Variants in ERBIN observed in about 807,000 individuals in gnomAD.
ERBIN encodes the protein densin-180-like protein.
In ERBIN, 60 loss-of-function variants were observed where a neutral mutation model predicts 158.4. The ratio of observed to expected loss-of-function variants is 0.38; its 90% CI spans 0.31 to 0.47. The LOEUF is 0.47. Among genes scored for constraint, ERBIN ranks in the 20% least tolerant of loss-of-function variants. ERBIN has a pLI of 0.99. For missense variants in ERBIN, 1,610 were observed against 1,648.0 expected, an observed-to-expected ratio of 0.98 and a Z score of 0.40; for synonymous variants, 594 against 557.2, an observed-to-expected ratio of 1.07 and a Z score of -0.93.
chr5:66,063,819 C>G (rs1760716059), intron 21 of ERBIN, among the ~76,000 whole-genome samples: 1 of 152,162 alleles, frequency 6.6e-6, no homozygotes. Context: ...ACTTATCTGT[C>G]AGAAACAATA....
At position 65,967,935 on chromosome 5, in the gene ERBIN, C is replaced by G. The variant is rs530308326; in HGVS notation, c.-57-20700C>G. 2.0e-5 allele frequency among the ~76,000 whole-genome samples: 3 copies of G among 152,284 alleles called. No homozygotes were observed. The South Asian group carries it at 6.2e-4, about 32-fold the overall frequency. On this transcript the variant is annotated intron_variant, in intron 1 of 25. Coordinates refer to ENST00000284037, the MANE Select transcript of ERBIN (RefSeq NM_001253697.2). ...TCTCGGTAAGACTTGAGTTTCCTTA[C>G]AGCAAGTGGCTGGTTTCAGAGGGCA... is the stretch of plus-strand genomic sequence containing the variant.
At chr5:66,041,867 A>G (rs1353581321) in intron 15 of ERBIN, among the ~76,000 whole-genome samples, 4 of 152,030 alleles carry the variant, frequency 2.6e-5, no homozygotes, top group African/African-American at 9.7e-5. Context: ...ATTTGTTTTG[A>G]ACAAAAACAA....
chr5:66,046,927 G>A (rs1758501761), intron 18 of ERBIN, among the ~76,000 whole-genome samples: 1 of 151,542 alleles, frequency 6.6e-6, no homozygotes, highest in Non-Finnish European at 1.5e-5. Context: ...TTCTTCTAGT[G>A]GATAAATAAA....
chr5:65,977,643 G>T (rs1230811145), intron 1 of ERBIN, among the ~76,000 whole-genome samples: 1 of 151,774 alleles, frequency 6.6e-6, no homozygotes, highest in Non-Finnish European at 1.5e-5. Context: ...TGGGATGGTG[G>T]CCGGGCAGAG....
chr5:66,062,967 A>G (rs575946884), intron 21 of ERBIN, among the ~76,000 whole-genome samples: 48 of 152,306 alleles, frequency 3.2e-4, no homozygotes, highest in African/African-American at 1.1e-3. Context: ...GGTGCCTCCC[A>G]GTTAGGCTAC....
At chr5:66,032,488 T>C (rs1756988273) in intron 14 of ERBIN, among the ~76,000 whole-genome samples, 1 of 152,210 alleles carries the variant, frequency 6.6e-6, no homozygotes, top group Admixed American at 6.5e-5. Context: ...AATGGACATT[T>C]GTTCATTCTA....
chr5:65,976,899 G>A (rs1249271745), intron 1 of ERBIN, among the ~76,000 whole-genome samples: 1 of 151,304 alleles, frequency 6.6e-6, no homozygotes, highest in East Asian at 1.9e-4. Context: ...AAAATGAAAA[G>A]TCTCCCATGT....
At chr5:66,063,441 C>T (rs893345736) in intron 21 of ERBIN, among the ~76,000 whole-genome samples, 3 of 152,278 alleles carry the variant, frequency 2.0e-5, no homozygotes, top group Non-Finnish European at 1.5e-5. Flanking sequence ...CATCTGTCAC[C>T]CCTTCCTTTG....
At chr5:66,006,075 G>T (rs552863829) in intron 4 of ERBIN, among the ~76,000 whole-genome samples, 3 of 152,176 alleles carry the variant, frequency 2.0e-5, no homozygotes, top group South Asian at 2.1e-4. Context: ...AAAAGAGCCC[G>T]CATCGCCAAG....
chr5:66,029,764 C>A (rs1192517061), intron 14 of ERBIN, among the ~76,000 whole-genome samples: 1 of 152,088 alleles, frequency 6.6e-6, no homozygotes, highest in Admixed American at 6.5e-5. Context: ...GCCGCCACTC[C>A]CAGCTAATTT....
At chr5:65,938,652 A>G (rs1744383333) in intron 1 of ERBIN, among the ~76,000 whole-genome samples, 1 of 152,166 alleles carries the variant, frequency 6.6e-6, no homozygotes. Flanking sequence ...TCCTGGGTTC[A>G]AGCGATTCTT....
At chr5:65,972,515 T>G (rs1561314161) in intron 1 of ERBIN, among the ~76,000 whole-genome samples, 1 of 151,514 alleles carries the variant, frequency 6.6e-6, no homozygotes, top group Non-Finnish European at 1.5e-5. Context: ...CAGAAAAATT[T>G]AAAGAATATT....
At chr5:66,047,921 A>G (rs1451042164) in intron 18 of ERBIN, among the ~76,000 whole-genome samples, 1 of 151,930 alleles carries the variant, frequency 6.6e-6, no homozygotes. Flanking sequence ...ATTTAAATGA[A>G]TGCAAATATA....
chr5:65,948,796 C>T (rs1746139894), intron 1 of ERBIN, among the ~76,000 whole-genome samples: 1 of 123,132 alleles, frequency 8.1e-6, no homozygotes, highest in East Asian at 2.4e-4. Context: ...CAGAGTCTCC[C>T]TCTGTCACTT....
rs1255127423 is a variant in ERBIN at position 66,079,387 on chromosome 5, T to C, written c.*857T>C. 6.6e-6 allele frequency: 1 copy of C among 152,068 alleles called. No homozygotes were observed. The allele number at this position is 152,068 out of a possible 1,614,324, so 9.4% of individuals were successfully genotyped here. A position where few individuals can be genotyped will look rare whatever the true frequency, so the allele number is the denominator to read the frequency against. On this transcript the variant is annotated 3_prime_UTR_variant, in exon 26 of 26. Transcript: ENST00000284037. ...AAATCCACTGATTTTTTTTTTTTTT[T>C]CAAATGGTGGTACTTGCAATCTGTT...
intron 4 of ERBIN, among the ~76,000 whole-genome samples, chr5:66,008,880 G>T (rs1437944977): frequency 6.6e-6 from 1 of 151,996 alleles, no homozygotes; most frequent in Non-Finnish European, 1.5e-5. Flanking sequence ...TGTTTTCAAG[G>T]TCGGATCATT....
At chr5:66,005,639 T>A (rs537457665) in intron 4 of ERBIN, among the ~76,000 whole-genome samples, 15 of 152,282 alleles carry the variant, frequency 9.9e-5, no homozygotes, top group African/African-American at 3.1e-4. Context: ...TGATTGTATA[T>A]CTGGAAGACC....
At chr5:66,018,492 T>TAATATAATATATAATATATAA (rs1331154080) in intron 7 of ERBIN, among the ~76,000 whole-genome samples, 1 of 8,384 alleles carries the variant, frequency 1.2e-4, no homozygotes, top group Non-Finnish European at 2.4e-4. Context: ...ATATATTATA[T>TAATATAATATATAATATATAA]TATATAATAT....
intron 1 of ERBIN, among the ~76,000 whole-genome samples, chr5:65,969,442 A>G (rs970485288): frequency 5.3e-5 from 8 of 152,240 alleles, no homozygotes; most frequent in African/African-American, 1.4e-4. Context: ...GCTAACGAAA[A>G]TGTAGCTTTT....
Sources: allele counts gnomAD v4.1 joint callset (sites outside exome capture counted in the v4.1 genomes callset), GRCh38; gene constraint gnomAD v4.1.1; transcripts MANE v1.5; gene names NCBI Gene and HGNC (gene_info 2026-07-23, HGNC 2026-07-21).